The following NFIA variants were observed in gnomAD, a reference collection of about 807,000 sequenced individuals.
NFIA encodes the protein nuclear factor 1 A-type.
A neutral mutation model predicts 62.8 loss-of-function variants in NFIA; 8 were observed. That is an observed-to-expected ratio of 0.13 (90% CI 0.07 to 0.23). The LOEUF is 0.23. Ranked by LOEUF, NFIA falls within the 10% of genes least tolerant of loss-of-function variation. The pLI is 1.00. For synonymous variants in NFIA, 235 were observed against 238.1 expected, an observed-to-expected ratio of 0.99 and a Z score of 0.12; for missense variants, 410 against 642.1, an observed-to-expected ratio of 0.64 and a Z score of 3.91.
At chr1:61,151,772 G>C (rs1004852317) in intron 2 of NFIA, among the ~76,000 whole-genome samples, 13 of 152,118 alleles carry the variant, frequency 8.5e-5, no homozygotes, top group African/African-American at 2.4e-4. Context: ...TTCTCCCCTA[G>C]GCACAGATTC....
At chr1:61,412,715 T>A (rs1264295255) in intron 9 of NFIA, among the ~76,000 whole-genome samples, 1 of 152,210 alleles carries the variant, frequency 6.6e-6, no homozygotes, top group Non-Finnish European at 1.5e-5. Context: ...GACTGGGTTT[T>A]TCTGTGTGTA....
chr1:61,150,787 T>A (rs1377356933), intron 2 of NFIA, among the ~76,000 whole-genome samples: 2 of 152,056 alleles, frequency 1.3e-5, no homozygotes, highest in African/African-American at 4.8e-5. Flanking sequence ...TATTGAACAG[T>A]TAGACTAGAA....
chr1:61,128,986 G>C (rs1647027156), intron 2 of NFIA, among the ~76,000 whole-genome samples: 1 of 119,014 alleles, frequency 8.4e-6, no homozygotes, highest in Non-Finnish European at 1.6e-5. Flanking sequence ...GCAGTGACAC[G>C]ATCTCGGCTC....
At position 61,082,675 on chromosome 1, in the gene NFIA, T is replaced by G; in HGVS notation, c.-117T>G. The G allele has an allele frequency of 2.9e-6, 3 of 1,025,928 alleles. No homozygotes were observed. Among genetic ancestry groups the G allele is most frequent in the East Asian group, 3.9e-5 (1 of 25,782 alleles). 63.6% of individuals were successfully genotyped at this position (1,025,928 alleles called of 1,614,324 possible). ...CTTGATTTTTTTTTCTCCCCCCTTC[T>G]CTCTCTCTCTCTCTCTCTCTCTTCC... is the stretch of plus-strand genomic sequence containing the variant. On this transcript the variant is annotated 5_prime_UTR_variant, in exon 1 of 11. Transcript: ENST00000403491.
rs150139741 is a variant in NFIA at position 61,157,110 on chromosome 1, A to G, written c.559+68430A>G. On this transcript the variant is annotated intron_variant, in intron 2 of 10. Transcript: ENST00000403491. ...GGTGACTGTTATTTTTCCTAGTGAT[A>G]GTTTTCAGTGACAGCATAGATTCTG... Among the ~76,000 whole-genome samples, 55 of 152,242 alleles carry G rather than the reference A, an allele frequency of 3.6e-4. 1 individual carries two copies. Among genetic ancestry groups the G allele is most frequent in the African/African-American group, 1.1e-3 (47 of 41,468 alleles).
intron 10 of NFIA, among the ~76,000 whole-genome samples, chr1:61,438,912 A>G (rs113328255): frequency 0.02 from 2,977 of 152,106 alleles, 40 homozygotes; most frequent in Non-Finnish European, 0.032. Flanking sequence ...AGGGACTTAA[A>G]TAAGTGGTGC....
At chr1:61,358,379 C>CTTTTTTTTTTT (rs34853369) in intron 5 of NFIA, among the ~76,000 whole-genome samples, 19 of 52,606 alleles carry the variant, frequency 3.6e-4, no homozygotes, top group East Asian at 6.5e-4. Flanking sequence ...TTCTTTCTTT[C>CTTTTTTTTTTT]TTTTTTTTTT....
rs867447910 is a variant in NFIA at position 61,458,742 on chromosome 1, G to T, written c.*3422G>T. On this transcript the variant is annotated 3_prime_UTR_variant, in exon 11 of 11. Transcript: ENST00000403491. Reference sequence around the variant, plus strand: ...ATACAATTATTTTTTTCTCTCAATGGTATAGCATATTCCTATGCTTGAGAA... The same window carrying T: ...ATACAATTATTTTTTTCTCTCAATGTTATAGCATATTCCTATGCTTGAGAA... 1 of 146,254 alleles carries T rather than the reference G, an allele frequency of 6.8e-6. No homozygotes were observed. The highest frequency in any genetic ancestry group is 1.5e-5 in the Non-Finnish European group (1 of 67,148). The allele number at this position is 146,254 out of a possible 1,614,324, so 9.1% of individuals were successfully genotyped here.
At chr1:61,399,101 G>A (rs2100513106) in intron 7 of NFIA, among the ~76,000 whole-genome samples, 1 of 152,268 alleles carries the variant, frequency 6.6e-6, no homozygotes, top group East Asian at 1.9e-4. Flanking sequence ...CGCTATGGAA[G>A]TGGTAACTTT....
At chr1:61,389,587 A>G (rs550241624) in intron 7 of NFIA, among the ~76,000 whole-genome samples, 3 of 152,326 alleles carry the variant, frequency 2.0e-5, no homozygotes, top group Non-Finnish European at 4.4e-5. Context: ...CTTTTTTGCC[A>G]TATCAGTAGT....
intron 10 of NFIA, among the ~76,000 whole-genome samples, chr1:61,439,168 C>T (rs558562989): frequency 2.6e-5 from 4 of 152,062 alleles, no homozygotes; most frequent in African/African-American, 9.7e-5. Context: ...CCCCAAGCCC[C>T]CACACTCTCC....
intron 3 of NFIA, among the ~76,000 whole-genome samples, chr1:61,297,470 G>A (rs1557690150): frequency 6.6e-6 from 1 of 152,068 alleles, no homozygotes; most frequent in Non-Finnish European, 1.5e-5. Flanking sequence ...GAATGGTGAT[G>A]GGCTGTCTGA....
chr1:61,090,423 GTT>G (rs894987581), intron 2 of NFIA, among the ~76,000 whole-genome samples: 11 of 152,156 alleles, frequency 7.2e-5, no homozygotes, highest in African/African-American at 2.7e-4. Flanking sequence ...TACCTGTGAA[GTT>G]TTTGTCGGTG....
upstream of NFIA, among the ~76,000 whole-genome samples, chr1:61,080,633 C>A (rs1242071520): frequency 6.6e-6 from 1 of 152,142 alleles, no homozygotes; most frequent in Non-Finnish European, 1.5e-5. Flanking sequence ...TCCTCCCCTA[C>A]TAAAATCTGA....
intron 3 of NFIA, among the ~76,000 whole-genome samples, chr1:61,331,353 T>C (rs762409037): frequency 1.3e-5 from 2 of 152,196 alleles, no homozygotes; most frequent in African/African-American, 2.4e-5. Flanking sequence ...ATGGCAACTT[T>C]TTGCATGTGT....
chr1:61,427,117 A>C (rs568302495), intron 10 of NFIA, among the ~76,000 whole-genome samples: 1 of 152,174 alleles, frequency 6.6e-6, no homozygotes, highest in South Asian at 2.1e-4. Flanking sequence ...GTGGGTGGCA[A>C]GGGGTGTGTA....
At chr1:61,398,032 G>A (rs557653177) in intron 7 of NFIA, among the ~76,000 whole-genome samples, 38 of 152,200 alleles carry the variant, frequency 2.5e-4, no homozygotes, top group Non-Finnish European at 4.3e-4. Context: ...GCAGGTGCTT[G>A]GAGAGTGAAC....
chr1:61,295,265 T>C (rs6587914), intron 3 of NFIA, among the ~76,000 whole-genome samples: 38,830 of 152,024 alleles, frequency 0.26, 5,789 homozygotes, highest in African/African-American at 0.41. Context: ...CTGACTGACA[T>C]GAAGAGATCT....
chr1:61,287,831 G>C (rs1263411399), intron 3 of NFIA, among the ~76,000 whole-genome samples: 1 of 152,150 alleles, frequency 6.6e-6, no homozygotes, highest in African/African-American at 2.4e-5. Flanking sequence ...TTCCTGTGGA[G>C]GTTACATAGG....
Sources: gnomAD v4.1 joint callset for allele counts (sites outside exome capture counted in the v4.1 genomes callset) on GRCh38, gnomAD v4.1.1 for gene constraint, MANE v1.5 for transcripts, NCBI Gene and HGNC (gene_info 2026-07-23, HGNC 2026-07-21) for gene names.